CACNA1D: variants seen among roughly 807,000 people sequenced by gnomAD.
CACNA1D encodes the protein voltage-dependent L-type calcium channel subunit alpha-1D.
CACNA1D carries 55 observed loss-of-function variants against 257.1 expected under a neutral mutation model. The observed-to-expected ratio is 0.21, with a 90% CI of 0.17 to 0.27. The LOEUF is 0.27. CACNA1D is among the 10% of genes least tolerant of loss of function. The pLI is 1.00. For synonymous variants in CACNA1D, 980 were observed against 1,014.9 expected, an observed-to-expected ratio of 0.97 and a Z score of 0.65; for missense variants, 1,876 against 2,784.0, an observed-to-expected ratio of 0.67 and a Z score of 7.34.
intron 15 of CACNA1D, among the ~76,000 whole-genome samples, chr3:53,727,331 G>A (rs569153001): frequency 2.0e-5 from 3 of 152,186 alleles, no homozygotes; most frequent in Non-Finnish European, 4.4e-5. Context: ...TGAGCGCAAG[G>A]CCAGGTGGTT....
rs552946891 is a variant in CACNA1D at position 53,517,423 on chromosome 3, C to A, written c.483+15703C>A. Among the ~76,000 whole-genome samples the A allele has an allele frequency of 3.9e-5, 6 of 152,104 alleles. No individual in the cohort carries two copies. The South Asian group carries it at 1.2e-3, about 32-fold the overall frequency. The stretch of plus-strand genomic sequence containing the variant: ...AACCAGGCCAGAGCTCGACAGGACC[C>A]TCCCTCCTTCCCTACCCTTCAGACA... On this transcript the variant is annotated intron_variant, in intron 3 of 47. Coordinates refer to ENST00000350061, the MANE Select transcript of CACNA1D (RefSeq NM_001128840.3).
rs1281159662 is a variant in CACNA1D at position 53,723,601 on chromosome 3, C to G, written c.1834C>G (p.Pro612Ala). ...CTTGGTGGAACTGGAAATCATGTCT[C>G]CCCTGGGGATCTCTGTGTTTCGGTG... ...TILVELEIMS[P>A]LGISVFRCVR... Residue 612 changes from proline to alanine, a missense_variant, in exon 13 of 48, where the codon CCC becomes GCC. Physicochemically the swap from Pro to Ala is conservative, Grantham distance 27. Around this residue, in one of 10 missense-constraint regions of CACNA1D, gnomAD observed 257 missense variants for 399.7 expected, o/e 0.64. Coordinates refer to ENST00000350061, the MANE Select transcript of CACNA1D (RefSeq NM_001128840.3). The surrounding 1 kb of genome is among the most constrained non-coding windows in gnomAD (Gnocchi z 5.6). 2.5e-6 allele frequency: 4 copies of G among 1,613,980 alleles called. No homozygotes were observed. Among genetic ancestry groups the G allele is most frequent in the South Asian group, 2.2e-5 (2 of 91,080 alleles).
intron 32 of CACNA1D, among the ~76,000 whole-genome samples, chr3:53,771,911 GGCAGGCACAGGTCAACA>G (rs2095368428): frequency 6.6e-6 from 1 of 152,218 alleles, no homozygotes; most frequent in Admixed American, 6.5e-5. Flanking sequence ...GGGCCAGGCT[GGCAGGCACAGGTCAACA>G]GCTGGCACAG....
intron 3 of CACNA1D, among the ~76,000 whole-genome samples, chr3:53,521,659 A>T (rs1180157721): frequency 6.6e-6 from 1 of 152,094 alleles, no homozygotes. Context: ...TCTGAAGCAC[A>T]CAGTTCATTT....
chr3:53,564,147 A>G (rs535413394), intron 3 of CACNA1D, among the ~76,000 whole-genome samples: 10 of 152,070 alleles, frequency 6.6e-5, no homozygotes, highest in African/African-American at 2.4e-4. Context: ...GTTGAGTCTT[A>G]TGTCCATTTT....
chr3:53,704,174 G>GT (rs2094659052), intron 9 of CACNA1D, among the ~76,000 whole-genome samples: 1 of 152,156 alleles, frequency 6.6e-6, no homozygotes, highest in African/African-American at 2.4e-5. Context: ...TGTGGAGTGT[G>GT]TAAGTGGGGG....
intron 3 of CACNA1D, among the ~76,000 whole-genome samples, chr3:53,548,081 T>A (rs1310127881): frequency 7.2e-5 from 11 of 152,178 alleles, no homozygotes; most frequent in South Asian, 2.1e-4. Flanking sequence ...TAGAGGTGAT[T>A]TGCAAATTTC....
intron 9 of CACNA1D, among the ~76,000 whole-genome samples, chr3:53,704,295 C>G (rs1475115015): frequency 2.0e-5 from 3 of 152,052 alleles, no homozygotes; most frequent in Non-Finnish European, 2.9e-5. Context: ...TCTCAGATGC[C>G]CTGGCTGGTG....
chr3:53,531,006 C>G (rs543948116), intron 3 of CACNA1D, among the ~76,000 whole-genome samples: 1 of 146,334 alleles, frequency 6.8e-6, no homozygotes, highest in African/African-American at 2.5e-5. Context: ...CCACCATGCC[C>G]AGCTAATTTT....
chr3:53,583,369 A>T (rs193071910), intron 3 of CACNA1D, among the ~76,000 whole-genome samples: 8 of 152,260 alleles, frequency 5.3e-5, no homozygotes, highest in Non-Finnish European at 1.2e-4. Flanking sequence ...ATGTCCTGCC[A>T]GCAAGCTGAG....
At chr3:53,554,671 C>T (rs899628874) in intron 3 of CACNA1D, among the ~76,000 whole-genome samples, 2 of 152,224 alleles carry the variant, frequency 1.3e-5, no homozygotes, top group African/African-American at 4.8e-5. Flanking sequence ...TGTTCCCTCT[C>T]CCATAGCACA....
intron 3 of CACNA1D, among the ~76,000 whole-genome samples, chr3:53,522,910 C>T (rs1387881079): frequency 6.6e-6 from 1 of 152,196 alleles, no homozygotes; most frequent in Non-Finnish European, 1.5e-5. Flanking sequence ...AACCTCTCTT[C>T]ATCCCCCTCC....
At chr3:53,804,429 C>T (rs945058613) in intron 44 of CACNA1D, among the ~76,000 whole-genome samples, 2 of 152,228 alleles carry the variant, frequency 1.3e-5, no homozygotes, top group Non-Finnish European at 2.9e-5. Flanking sequence ...CTCATCCCCC[C>T]TGTCGAGGGC....
At chr3:53,574,743 A>G (rs2093006834) in intron 3 of CACNA1D, among the ~76,000 whole-genome samples, 1 of 147,946 alleles carries the variant, frequency 6.8e-6, no homozygotes, top group Non-Finnish European at 1.5e-5. Context: ...ACGTGTTCTC[A>G]CTCATATGCA....
At chr3:53,604,140 A>G (rs142361244) in intron 3 of CACNA1D, among the ~76,000 whole-genome samples, 1,830 of 152,338 alleles carry the variant, frequency 0.012, 18 homozygotes, top group Non-Finnish European at 0.019. Flanking sequence ...GTCAGTTTTC[A>G]CTGGCTGACT....
At position 53,767,565 on chromosome 3, in the gene CACNA1D, C is replaced by CAA. The variant is rs397792487; in HGVS notation, c.3871-2393_3871-2392dup. On this transcript the variant is annotated intron_variant, in intron 30 of 47. Coordinates refer to ENST00000350061, the MANE Select transcript of CACNA1D (RefSeq NM_001128840.3). ...TGGGTGACAGAGGGAGACTCTATCT[C>CAA]AAAAAAAAAAAAAAAACAACAAAAT... 2.4e-3 allele frequency among the ~76,000 whole-genome samples: 314 copies of CAA among 130,430 alleles called. 3 individuals are homozygous for CAA. The highest frequency in any genetic ancestry group is 7.9e-3 in the Middle Eastern group (2 of 252). 85.6% of individuals were successfully genotyped at this position (130,430 alleles called of 152,430 possible). A position where few individuals can be genotyped will look rare whatever the true frequency, so the allele number is the denominator to read the frequency against.
chr3:53,796,083 G>A (rs917967852), intron 40 of CACNA1D: 3 of 253,152 alleles, frequency 1.2e-5, no homozygotes, highest in East Asian at 8.8e-5. Flanking sequence ...GGAGGCGGAC[G>A]GCAGCTTGCA....
intron 3 of CACNA1D, among the ~76,000 whole-genome samples, chr3:53,647,101 C>T (rs1478303052): frequency 6.6e-6 from 1 of 151,136 alleles, no homozygotes; most frequent in Non-Finnish European, 1.5e-5. Context: ...TCTCTAGTGG[C>T]TTGAGTTCTC....
At chr3:53,787,799 G>A (rs1229388018) in intron 40 of CACNA1D, among the ~76,000 whole-genome samples, 2 of 152,134 alleles carry the variant, frequency 1.3e-5, no homozygotes, top group Non-Finnish European at 2.9e-5. Context: ...GGGCAAAGAG[G>A]GAGAAGATGC....
Sources: gnomAD v4.1 joint callset for allele counts (sites outside exome capture counted in the v4.1 genomes callset) on GRCh38, gnomAD v4.1.1 for gene constraint, gnomAD v4.1.1 regional missense constraint, Gnocchi (gnomAD v3.1) non-coding constraint, MANE v1.5 for transcripts, NCBI Gene and HGNC (gene_info 2026-07-23, HGNC 2026-07-21) for gene names.